NKAIN3: variants seen among roughly 807,000 people sequenced by gnomAD.
NKAIN3 encodes the protein sodium/potassium transporting ATPase interacting 3, also known as sodium/potassium-transporting ATPase subunit beta-1-interacting protein 3.
A neutral mutation model predicts 30.2 loss-of-function variants in NKAIN3; 25 were observed. That is an observed-to-expected ratio of 0.83 (90% CI 0.60 to 1.16). NKAIN3 has a LOEUF of 1.16. Ranked by LOEUF, NKAIN3 falls within the 50% of genes most tolerant of loss-of-function variation. The pLI is 0.00. For synonymous variants in NKAIN3, 91 were observed against 89.6 expected, an observed-to-expected ratio of 1.02 and a Z score of -0.09; for missense variants, 225 against 254.1, an observed-to-expected ratio of 0.89 and a Z score of 0.78.
chr8:62,790,577 C>CTG lies in NKAIN3; in HGVS notation c.471+43450_471+43451dup, dbSNP rs1479237365. 4.8e-3 allele frequency among the ~76,000 whole-genome samples: 339 copies of CTG among 70,832 alleles called. 1 individual carries two copies. Among genetic ancestry groups the CTG allele is most frequent in the African/African-American group, 9.1e-3 (280 of 30,790 alleles). 46.5% of individuals were successfully genotyped at this position (70,832 alleles called of 152,430 possible). On this transcript the variant is annotated intron_variant, in intron 4 of 6. Transcript: ENST00000623646. ...TGTGTGTGTGTGTGTGTCTGTCTGT[C>CTG]TGTCTGTGTGTGTGTGTGTGTGTGT...
At chr8:62,826,411 C>G (rs2130738400) in intron 4 of NKAIN3, among the ~76,000 whole-genome samples, 1 of 152,288 alleles carries the variant, frequency 6.6e-6, no homozygotes, top group Admixed American at 6.5e-5. Context: ...ATGTGATCAT[C>G]ATCTCTACTG....
At chr8:62,528,344 T>TAATATATATATTATATAATATA in intron 1 of NKAIN3, among the ~76,000 whole-genome samples, 1 of 115,276 alleles carries the variant, frequency 8.7e-6, no homozygotes, top group South Asian at 2.7e-4. Flanking sequence ...TTATATAATA[T>TAATATATATATTATATAATATA]ATATATATAT....
chr8:62,426,957 C>G (rs1445975129), intron 1 of NKAIN3, among the ~76,000 whole-genome samples: 2 of 151,966 alleles, frequency 1.3e-5, no homozygotes, highest in African/African-American at 2.4e-5. Context: ...CCTTGGTAAG[C>G]ACCTGTAGAT....
At chr8:62,574,796 A>G (rs1411479297) in intron 1 of NKAIN3, among the ~76,000 whole-genome samples, 1 of 152,138 alleles carries the variant, frequency 6.6e-6, no homozygotes, top group Non-Finnish European at 1.5e-5. Context: ...TCTGATGATC[A>G]GTAATGTTGA....
intron 1 of NKAIN3, among the ~76,000 whole-genome samples, chr8:62,555,008 CTA>C (rs1312143012): frequency 1.1e-3 from 118 of 107,224 alleles, no homozygotes; most frequent in South Asian, 1.8e-3. Context: ...ATGGCAGAAT[CTA>C]TACACACACA....
intron 1 of NKAIN3, among the ~76,000 whole-genome samples, chr8:62,514,522 G>C (rs1807920861): frequency 6.6e-6 from 1 of 152,048 alleles, no homozygotes; most frequent in Admixed American, 6.6e-5. Flanking sequence ...TGATAAAAAG[G>C]GGAACAAAAT....
chr8:62,401,092 CAGA>C (rs1803853779), intron 1 of NKAIN3, among the ~76,000 whole-genome samples: 1 of 148,956 alleles, frequency 6.7e-6, no homozygotes, highest in Non-Finnish European at 1.5e-5. Context: ...AGCTATCTTC[CAGA>C]TCTTGCATGC....
At chr8:62,440,125 G>C (rs552082131) in intron 1 of NKAIN3, among the ~76,000 whole-genome samples, 7 of 152,166 alleles carry the variant, frequency 4.6e-5, no homozygotes, top group African/African-American at 1.7e-4. Flanking sequence ...GGGTAGTTTT[G>C]AATTAGGAAA....
intron 3 of NKAIN3, among the ~76,000 whole-genome samples, chr8:62,665,454 A>G (rs1813069713): frequency 6.6e-6 from 1 of 152,122 alleles, no homozygotes; most frequent in Admixed American, 6.5e-5. Context: ...ATGTGTTCAC[A>G]CTATCACCTG....
intron 1 of NKAIN3, among the ~76,000 whole-genome samples, chr8:62,425,885 A>T (rs1804790737): frequency 6.6e-6 from 1 of 151,902 alleles, no homozygotes; most frequent in African/African-American, 2.4e-5. Flanking sequence ...GTATGATGTT[A>T]TCTTAAAATC....
chr8:62,901,226 A>G (rs1256331763), intron 4 of NKAIN3, among the ~76,000 whole-genome samples: 1 of 152,122 alleles, frequency 6.6e-6, no homozygotes, highest in East Asian at 1.9e-4. Flanking sequence ...ATGGTCTGTG[A>G]TCTGTTGCAG....
At chr8:62,765,033 A>G (rs1183022374) in intron 4 of NKAIN3, among the ~76,000 whole-genome samples, 1 of 152,166 alleles carries the variant, frequency 6.6e-6, no homozygotes, top group Non-Finnish European at 1.5e-5. Flanking sequence ...TCACGAGGTC[A>G]GGAGCTCGAG....
At chr8:62,467,132 A>C (rs925792344) in intron 1 of NKAIN3, among the ~76,000 whole-genome samples, 2 of 152,120 alleles carry the variant, frequency 1.3e-5, no homozygotes. Flanking sequence ...GTACTTGACT[A>C]ATTCCTGCCT....
intron 1 of NKAIN3, among the ~76,000 whole-genome samples, chr8:62,260,784 A>G (rs975730551): frequency 6.6e-6 from 1 of 152,188 alleles, no homozygotes; most frequent in South Asian, 2.1e-4. Flanking sequence ...TTATAATTAA[A>G]TTATATTAAA....
chr8:62,998,966 T>C (rs1346486741), intron 5 of NKAIN3, among the ~76,000 whole-genome samples: 1 of 152,222 alleles, frequency 6.6e-6, no homozygotes, highest in Non-Finnish European at 1.5e-5. Flanking sequence ...TCCCTAATAA[T>C]TAGTGATTTT....
intron 1 of NKAIN3, among the ~76,000 whole-genome samples, chr8:62,507,590 T>C (rs1260718041): frequency 6.6e-6 from 1 of 152,182 alleles, no homozygotes; most frequent in Non-Finnish European, 1.5e-5. Flanking sequence ...AATTATACTT[T>C]GTTAATTGCA....
At chr8:62,516,448 T>A (rs1807984166) in intron 1 of NKAIN3, among the ~76,000 whole-genome samples, 1 of 152,082 alleles carries the variant, frequency 6.6e-6, no homozygotes, top group Non-Finnish European at 1.5e-5. Context: ...TGTTCATATA[T>A]GGTAAAGCAA....
chr8:62,472,594 G>A (rs1585846425), intron 1 of NKAIN3, among the ~76,000 whole-genome samples: 1 of 152,284 alleles, frequency 6.6e-6, no homozygotes, highest in Non-Finnish European at 1.5e-5. Context: ...TTTAGCTGAA[G>A]TTATCTCAAG....
intron 3 of NKAIN3, among the ~76,000 whole-genome samples, chr8:62,702,599 T>C (rs1317573292): frequency 6.6e-6 from 1 of 152,144 alleles, no homozygotes; most frequent in Non-Finnish European, 1.5e-5. Context: ...GTTTATGTGG[T>C]TTTCTAGATG....
Sources: gnomAD v4.1 joint callset for allele counts (sites outside exome capture counted in the v4.1 genomes callset) on GRCh38, gnomAD v4.1.1 for gene constraint, MANE v1.5 for transcripts, NCBI Gene and HGNC (gene_info 2026-07-23, HGNC 2026-07-21) for gene names.